The following DRD4 variants were observed in gnomAD, a reference collection of about 807,000 sequenced individuals.
DRD4 encodes the protein D(4) dopamine receptor.
Under a neutral mutation model 22.1 loss-of-function variants are expected in DRD4, and 26 were observed. The ratio of observed to expected loss-of-function variants is 1.17; its 90% CI spans 0.86 to 1.63. DRD4 has a LOEUF of 1.63. Ranked by LOEUF, DRD4 falls within the 40% of genes most tolerant of loss-of-function variation. DRD4 has a pLI of 0.00. For synonymous variants in DRD4, 455 were observed against 306.7 expected (o/e 1.48, Z -5.05); for missense variants, 913 against 632.4 (o/e 1.44, Z -4.76).
chr11:639,914 G>T lies in DRD4; in HGVS notation c.665G>T (p.Trp222Leu). 1 of 1,556,192 alleles carries T rather than the reference G, an allele frequency of 6.4e-7. No homozygotes were observed. The highest frequency in any genetic ancestry group is 8.6e-7 in the Non-Finnish European group (1 of 1,159,604). The change falls in exon 3 of 4, where the codon TGG (tryptophan) becomes TTG (leucine). Residue 222 changes from tryptophan to leucine, a missense_variant. Coordinates refer to ENST00000176183, the MANE Select transcript of DRD4 (RefSeq NM_000797.4). ...YWATFRGLQR[W>L]EVARRAKLHG... ...GCCACGTTCCGCGGCCTGCAGCGCT[G>T]GGAGGTGGCACGTCGCGCCAAGCTG...
intron 1 of DRD4, among the ~76,000 whole-genome samples, chr11:638,255 A>G (rs1858112836): frequency 6.6e-6 from 1 of 152,142 alleles, no homozygotes; most frequent in Admixed American, 6.5e-5. Flanking sequence ...CGGCCAGAGA[A>G]AAGCAGCTTA....
intron 1 of DRD4, 124 bp from the exon 2 acceptor site, chr11:639,309 C>T: frequency 1.1e-6 from 1 of 886,510 alleles, no homozygotes; most frequent in South Asian, 1.4e-5. Flanking sequence ...GGTCCTCTGG[C>T]CTCTGGCTCA....
At position 637,385 on chromosome 11, in the gene DRD4, T is replaced by TGCGGGGCTG; in HGVS notation, c.84_92dup (p.Leu30_Gly32dup). On this transcript the variant is annotated inframe_insertion, in exon 1 of 4. Coordinates refer to ENST00000176183, the MANE Select transcript of DRD4 (RefSeq NM_000797.4). ...CCGCGGGGGCATCTGCGGGGGCATC[T>TGCGGGGCTG]GCGGGGCTGGCTGGGCAGGGCGCGG... The TGCGGGGCTG allele has an allele frequency of 1.4e-6, 2 of 1,418,986 alleles. No individual in the cohort carries two copies. Among genetic ancestry groups the TGCGGGGCTG allele is most frequent in the African/African-American group, 1.5e-5 (1 of 66,766 alleles). The allele number at this position is 1,418,986 out of a possible 1,614,324, so 87.9% of individuals were successfully genotyped here.
At chr11:638,253 G>C (rs1437175666) in intron 1 of DRD4, among the ~76,000 whole-genome samples, 1 of 152,208 alleles carries the variant, frequency 6.6e-6, no homozygotes, top group African/African-American at 2.4e-5. Flanking sequence ...TGCGGCCAGA[G>C]AAAAGCAGCT....
At chr11:638,454 G>A (rs903838976) in intron 1 of DRD4, among the ~76,000 whole-genome samples, 1 of 152,170 alleles carries the variant, frequency 6.6e-6, no homozygotes, top group South Asian at 2.1e-4. Context: ...CCAAATCGGC[G>A]GGAAGGATTA....
At chr11:639,230 C>T (rs1858139534) in intron 1 of DRD4, 4 of 584,186 alleles carry the variant, frequency 6.8e-6, no homozygotes, top group African/African-American at 1.9e-5. Flanking sequence ...ACTCCAGCCG[C>T]GGTGACACAG....
chr11:640,284 G>A lies in DRD4; in HGVS notation c.1035G>A (p.Met345Ile), dbSNP rs1212259802. 3 of 1,535,364 alleles carry A rather than the reference G, an allele frequency of 2.0e-6. No homozygotes were observed. The highest frequency in any genetic ancestry group is 1.4e-5 in the African/African-American group (1 of 73,276). Reference protein sequence around the residue: ...AKITGRERKAMRVLPVVVGAF... With the variant: ...AKITGRERKAIRVLPVVVGAF... Reference sequence around the variant, plus strand: ...TCACCGGCCGGGAGCGCAAGGCCATGAGGGTCCTGCCGGTGGTGGTCGGTG... The same window carrying A: ...TCACCGGCCGGGAGCGCAAGGCCATAAGGGTCCTGCCGGTGGTGGTCGGTG... The change falls in exon 3 of 4, where the codon ATG becomes ATA. Residue 345 changes from methionine to isoleucine, a missense_variant. Coordinates refer to ENST00000176183, the MANE Select transcript of DRD4 (RefSeq NM_000797.4).
Position 640,162 on chromosome 11 carries a change from C to A in DRD4, c.913C>A (p.Pro305Thr). Residue 305 changes from proline to threonine, a missense_variant, in exon 3 of 4, where the codon CCC (proline) becomes ACC (threonine). Transcript: ENST00000176183. ...APPAPGLPPDPCGSNCAPPDA... is the reference protein window; with the variant it reads ...APPAPGLPPDTCGSNCAPPDA... ...CCCCGCGCCCGGCCTCCCCCCGGAC[C>A]CCTGCGGCTCCAACTGTGCTCCCCC... is the stretch of plus-strand genomic sequence containing the variant. 6.6e-7 allele frequency: 1 copy of A among 1,518,820 alleles called. No individual in the cohort carries two copies. The highest frequency in any genetic ancestry group is 8.8e-7 in the Non-Finnish European group (1 of 1,138,534). The allele number at this position is 1,518,820 out of a possible 1,614,324, so 94.1% of individuals were successfully genotyped here.
chr11:637,714 G>C (rs1858096243), intron 1 of DRD4, 125 bp downstream of exon 1: 1 of 1,495,632 alleles, frequency 6.7e-7, no homozygotes, highest in Non-Finnish European at 9.0e-7. Flanking sequence ...GGCGGCGGCA[G>C]GGGCGCTGCG....
At position 639,621 on chromosome 11, in the gene DRD4, CCGGCGCCCCCT is replaced by C; in HGVS notation, c.399-20_399-10del. 48 of 1,405,380 alleles carry C rather than the reference CCGGCGCCCCCT, an allele frequency of 3.4e-5. No individual in the cohort carries two copies. The highest frequency in any genetic ancestry group is 4.4e-5 in the Non-Finnish European group (47 of 1,077,570). The allele number at this position is 1,405,380 out of a possible 1,614,324, so 87.1% of individuals were successfully genotyped here. On this transcript the variant is annotated splice_polypyrimidine_tract_variant and intron_variant, in intron 2 of 3. Coordinates refer to ENST00000176183, the MANE Select transcript of DRD4 (RefSeq NM_000797.4). The stretch of plus-strand genomic sequence containing the variant: ...GCCCTCACCGCGGCCTGTGCGCTGT[CCGGCGCCCCCT>C]CGGCGCTCCCCGCAGGTTCGTGGCC...
At chr11:639,378 T>C (rs397843967) in intron 1 of DRD4, 55 bp from the exon 2 acceptor site, 2 of 1,454,056 alleles carry the variant, frequency 1.4e-6, no homozygotes, top group African/African-American at 2.8e-5. Flanking sequence ...TGGGGGCGGG[T>C]CACAAGGGCC....
chr11:639,945 C>T lies in DRD4; in HGVS notation c.696C>T (p.Gly232=), dbSNP rs756888127. 2.8e-6 allele frequency: 4 copies of T among 1,451,644 alleles called. No individual in the cohort carries two copies. Among genetic ancestry groups the T allele is most frequent in the Non-Finnish European group, 3.6e-6 (4 of 1,109,798 alleles). 89.9% of individuals were successfully genotyped at this position (1,451,644 alleles called of 1,614,324 possible). The change falls in exon 3 of 4, where the codon GGC becomes GGT. Residue 232 remains glycine (G), a synonymous_variant. Transcript: ENST00000176183. ...TGGCACGTCGCGCCAAGCTGCACGG[C>T]CGCGCGCCCCGCCGACCCAGCGGCC... ...WEVARRAKLH[G]RAPRRPSGPG...
intron 1 of DRD4, 67 bp from the exon 2 acceptor site, chr11:639,366 A>AG (rs1858144549): frequency 5.2e-5 from 71 of 1,361,926 alleles, no homozygotes; most frequent in South Asian, 3.4e-4. Context: ...TACCCATAAG[A>AG]GTGGGGGCGG....
At position 639,889 on chromosome 11, in the gene DRD4, G is replaced by A. The variant is rs765596147; in HGVS notation, c.640G>A (p.Ala214Thr). Residue 214 changes from alanine to threonine, a missense_variant, in exon 3 of 4, where the codon GCC (alanine) becomes ACC (threonine). Ala to Thr is a moderately conservative substitution (Grantham distance 58). Coordinates refer to ENST00000176183, the MANE Select transcript of DRD4 (RefSeq NM_000797.4). ...CCCGCTCATGCTGCTGCTCTACTGG[G>A]CCACGTTCCGCGGCCTGCAGCGCTG... ...PCPLMLLLYW[A>T]TFRGLQRWEV... is the part of the protein sequence containing the mutation. 9.1e-5 allele frequency: 144 copies of A among 1,578,446 alleles called. No individual in the cohort carries two copies. The highest frequency in any genetic ancestry group is 1.2e-4 in the Non-Finnish European group (136 of 1,170,252).
intron 1 of DRD4, among the ~76,000 whole-genome samples, 193 bp downstream of exon 1, chr11:637,782 C>T (rs986736115): frequency 2.6e-5 from 4 of 152,236 alleles, no homozygotes; most frequent in African/African-American, 4.8e-5. Context: ...ACCCGCTGCG[C>T]TGTCTGTCCC....
chr11:638,381 C>T (rs987662434), intron 1 of DRD4, among the ~76,000 whole-genome samples: 11 of 152,264 alleles, frequency 7.2e-5, no homozygotes, highest in Admixed American at 3.3e-4. Flanking sequence ...ACGGGACACG[C>T]GTGACCTGTG....
chr11:640,637 G>C lies in DRD4; in HGVS notation c.*34G>C, dbSNP rs1398097457. 6.3e-7 allele frequency: 1 copy of C among 1,597,496 alleles called. No individual in the cohort carries two copies. The highest frequency in any genetic ancestry group is 1.1e-5 in the South Asian group (1 of 91,024). The stretch of plus-strand genomic sequence containing the variant: ...CCCCCGGACGCCCCCCGGCCTGATG[G>C]CCAGGCCTCAGGGACCAAGGAGATG... On this transcript the variant is annotated 3_prime_UTR_variant, in exon 4 of 4. Transcript: ENST00000176183.
chr11:639,567 C>T lies in DRD4; in HGVS notation c.398+22C>T, dbSNP rs369230351. On this transcript the variant is annotated intron_variant, in intron 2 of 3. Coordinates refer to ENST00000176183, the MANE Select transcript of DRD4 (RefSeq NM_000797.4). ...ACAGGTGCGCCGCCCTCCCCGCCCG[C>T]GCCCCGGCGCCCCCGCGCCCCGCCC... The T allele has an allele frequency of 1.5e-4, 215 of 1,403,206 alleles. No individual in the cohort carries two copies. The African/African-American group carries it at 2.8e-3, about 18-fold the overall frequency. The allele number at this position is 1,403,206 out of a possible 1,614,324, so 86.9% of individuals were successfully genotyped here. A position where few individuals can be genotyped will look rare whatever the true frequency, so the allele number is the denominator to read the frequency against.
Position 640,122 on chromosome 11 carries a change from C to T in DRD4, c.873C>T (p.Gly291=), listed in dbSNP as rs1296609303. The change falls in exon 3 of 4, where the codon GGC becomes GGT. Residue 291 remains glycine (G), a synonymous_variant. Coordinates refer to ENST00000176183, the MANE Select transcript of DRD4 (RefSeq NM_000797.4). ...AAPSLPQDPC[G]PDCAPPAPGL... ...CCAGCCTCCCCCAGGACCCCTGCGGCCCCGACTGTGCGCCCCCCGCGCCCG... is the reference window on the plus strand; with the variant it reads ...CCAGCCTCCCCCAGGACCCCTGCGGTCCCGACTGTGCGCCCCCCGCGCCCG... 66 of 1,424,318 alleles carry T rather than the reference C, an allele frequency of 4.6e-5. No individual in the cohort carries two copies. The highest frequency in any genetic ancestry group is 5.7e-5 in the Non-Finnish European group (62 of 1,085,368). 88.2% of individuals were successfully genotyped at this position (1,424,318 alleles called of 1,614,324 possible).
Sources: allele counts gnomAD v4.1 joint callset (sites outside exome capture counted in the v4.1 genomes callset), GRCh38; gene constraint gnomAD v4.1.1; transcripts MANE v1.5; gene names NCBI Gene and HGNC (gene_info 2026-07-23, HGNC 2026-07-21).